GABRR1: variants seen among roughly 807,000 people sequenced by gnomAD.
GABRR1 encodes gamma-aminobutyric acid receptor subunit rho-1.
In GABRR1, 59 loss-of-function variants were observed where a neutral mutation model predicts 55.5. The ratio of observed to expected loss-of-function variants is 1.06; its 90% CI spans 0.86 to 1.32. The LOEUF is 1.32. Among genes scored for constraint, GABRR1 ranks in the 40% most tolerant of loss-of-function variants. The pLI is 0.00. For missense variants in GABRR1, 602 were observed against 619.1 expected (o/e 0.97, Z 0.29); for synonymous variants, 213 against 226.0 (o/e 0.94, Z 0.51).
chr6:89,195,961 T>C (rs1339734367), intron 5 of GABRR1, among the ~76,000 whole-genome samples: 2 of 152,216 alleles, frequency 1.3e-5, no homozygotes, highest in African/African-American at 4.8e-5. Context: ...AGATTAAGCC[T>C]AAAAGGGTGT....
At chr6:89,195,911 G>T (rs1466297814) in intron 5 of GABRR1, among the ~76,000 whole-genome samples, 8 of 152,066 alleles carry the variant, frequency 5.3e-5, no homozygotes, top group Non-Finnish European at 8.8e-5. Context: ...TACAAATCAG[G>T]GCTTGATTTA....
chr6:89,218,645 G>T (rs1205847831), upstream of GABRR1, among the ~76,000 whole-genome samples: 1 of 152,216 alleles, frequency 6.6e-6, no homozygotes, highest in African/African-American at 2.4e-5. Context: ...ACAACTGGAA[G>T]CATCAATTAT....
At chr6:89,202,283 TTTTGTTTG>T (rs370710274) in intron 2 of GABRR1, among the ~76,000 whole-genome samples, 5 of 135,208 alleles carry the variant, frequency 3.7e-5, no homozygotes, top group Admixed American at 7.5e-5. Flanking sequence ...TGTTTCGTTT[TTTTGTTTG>T]TTTGTTTGTT....
chr6:89,223,382 T>C (rs946815596), intron 1 of GABRR1, among the ~76,000 whole-genome samples: 1 of 152,242 alleles, frequency 6.6e-6, no homozygotes, highest in Non-Finnish European at 1.5e-5. Context: ...CATTAATTCA[T>C]TCCTTTTTAT....
intron 5 of GABRR1, among the ~76,000 whole-genome samples, chr6:89,196,886 G>A (rs1346691419): frequency 1.8e-5 from 2 of 108,686 alleles, no homozygotes; most frequent in Non-Finnish European, 4.2e-5. Context: ...AAAGAGAAGA[G>A]AAGAAAAAAG....
At position 89,188,911 on chromosome 6, in the gene GABRR1, C is replaced by T. The variant is rs142319462; in HGVS notation, c.655+1254G>A. 2.3e-3 allele frequency among the ~76,000 whole-genome samples: 347 copies of T among 152,244 alleles called. 1 individual carries two copies. Among genetic ancestry groups the T allele is most frequent in the African/African-American group, 8.0e-3 (331 of 41,528 alleles). On this transcript the variant is annotated intron_variant, in intron 6 of 9. Transcript: ENST00000454853. ...CTGAGCATCTCAACCACCACACGAA[C>T]TCACAGTGGCAGTTCCCTAGGGCAA...
At chr6:89,197,112 T>C (rs989140347) in intron 5 of GABRR1, among the ~76,000 whole-genome samples, 1 of 152,204 alleles carries the variant, frequency 6.6e-6, no homozygotes, top group Non-Finnish European at 1.5e-5. Context: ...GGGATCATCA[T>C]AAATATTCCT....
intron 5 of GABRR1, among the ~76,000 whole-genome samples, chr6:89,196,843 G>GAAAT (rs1554190847): frequency 9.7e-6 from 1 of 102,866 alleles, no homozygotes; most frequent in African/African-American, 3.6e-5. Flanking sequence ...AAGAAAGAAA[G>GAAAT]AAAGAAAGAA....
chr6:89,216,498 G>A (rs1772985283), intron 1 of GABRR1, among the ~76,000 whole-genome samples: 1 of 152,210 alleles, frequency 6.6e-6, no homozygotes, highest in South Asian at 2.1e-4. Context: ...AAGCAGGTGT[G>A]CATCCCAGAT....
At chr6:89,179,168 C>T in intron 9 of GABRR1, 105 bp from the exon 10 acceptor site, 1 of 1,192,056 alleles carries the variant, frequency 8.4e-7, no homozygotes, top group Non-Finnish European at 1.2e-6. Context: ...TCTGGTATTC[C>T]CAGTTTGGGA....
chr6:89,179,635 A>C lies in GABRR1; in HGVS notation c.1147-572T>G, dbSNP rs372025554. ...TTCATAGATCACCCTGTTCTCCATGAGATCATAAGCTGTTATGAGCCCTTG... is the reference window on the plus strand; with the variant it reads ...TTCATAGATCACCCTGTTCTCCATGCGATCATAAGCTGTTATGAGCCCTTG... On this transcript the variant is annotated intron_variant, in intron 9 of 9. Transcript: ENST00000454853. Among the ~76,000 whole-genome samples the C allele has an allele frequency of 1.8e-3, 281 of 152,372 alleles. 1 individual carries two copies. Among genetic ancestry groups the C allele is most frequent in the African/African-American group, 5.8e-3 (243 of 41,596 alleles).
At chr6:89,216,429 A>G (rs1772983203) in intron 1 of GABRR1, among the ~76,000 whole-genome samples, 1 of 152,242 alleles carries the variant, frequency 6.6e-6, no homozygotes, top group South Asian at 2.1e-4. Context: ...CCTCATCAGT[A>G]CAGAGAGCAC....
At chr6:89,212,055 A>C in intron 1 of GABRR1, 2 of 422,832 alleles carry the variant, frequency 4.7e-6, no homozygotes, top group Non-Finnish European at 6.0e-6. Context: ...GTCTCTGGGT[A>C]TCTTGCAAGC....
At position 89,198,228 on chromosome 6, in the gene GABRR1, G is replaced by A. The variant is rs1471897310; in HGVS notation, c.364C>T (p.Leu122Phe). The change falls in exon 5 of 10, where the codon CTC becomes TTC. Residue 122 changes from leucine to phenylalanine, a missense_variant. Physicochemically the swap from Leu to Phe is conservative, Grantham distance 22. This residue lies in a region of GABRR1 where 435 missense variants were observed against 424.2 expected (regional missense o/e 1.03). Transcript: ENST00000454853. ...TCCTTCCAGTAGTGCCTCAGGTAGA[G>A]GGTCATCGTAAAGTCCTGGGAGCAG... The part of the protein sequence containing the change: ...SEVDMDFTMT[L>F]YLRHYWKDER... The A allele has an allele frequency of 1.9e-6, 3 of 1,613,792 alleles. No individual in the cohort carries two copies. Among genetic ancestry groups the A allele is most frequent in the Non-Finnish European group, 2.5e-6 (3 of 1,179,892 alleles).
At chr6:89,226,243 T>C (rs1436381616) in intron 1 of GABRR1, among the ~76,000 whole-genome samples, 11 of 143,582 alleles carry the variant, frequency 7.7e-5, no homozygotes, top group Admixed American at 7.4e-4. Flanking sequence ...GTAGTTTCTT[T>C]TGCTGTGCAG....
rs200161103 is a variant in GABRR1 at position 89,186,338 on chromosome 6, A to AT, written c.656-889dup. 5.7e-3 allele frequency among the ~76,000 whole-genome samples: 872 copies of AT among 152,258 alleles called. 8 individuals carry two copies. Among genetic ancestry groups the AT allele is most frequent in the African/African-American group, 0.02 (825 of 41,548 alleles). On this transcript the variant is annotated intron_variant, in intron 6 of 9. Transcript: ENST00000454853. ...CTACAACCACTGGACTTTAAAGGGG[A>AT]TTTTCCTGGATAATCTGGGTGGGCC...
Position 89,187,990 on chromosome 6 carries a change from A to G in GABRR1, c.655+2175T>C, listed in dbSNP as rs60961554. ...AATTCTTTTGGTTATTTACCCAGAA[A>G]TGGATTTGCTGGATCATATGTTCTT... On this transcript the variant is annotated intron_variant, in intron 6 of 9. Coordinates refer to ENST00000454853, the MANE Select transcript of GABRR1 (RefSeq NM_002042.5). 6.7e-3 allele frequency among the ~76,000 whole-genome samples: 1,012 copies of G among 152,172 alleles called. 14 individuals are homozygous for G. The highest frequency in any genetic ancestry group is 0.024 in the African/African-American group (979 of 41,510).
intron 1 of GABRR1, among the ~76,000 whole-genome samples, chr6:89,209,440 G>C (rs1164759523): frequency 4.6e-5 from 7 of 152,014 alleles, no homozygotes; most frequent in African/African-American, 1.4e-4. Flanking sequence ...AATCCCCATA[G>C]CCAATTAAAT....
intron 3 of GABRR1, among the ~76,000 whole-genome samples, chr6:89,200,754 A>G (rs6928457): frequency 0.95 from 144,425 of 152,198 alleles, 68,627 homozygotes; most frequent in Middle Eastern, 0.98. Context: ...ACCACATTCC[A>G]CCGTAAGATA....
Sources: allele counts gnomAD v4.1 joint callset (sites outside exome capture counted in the v4.1 genomes callset), GRCh38; gene constraint gnomAD v4.1.1; regional missense constraint gnomAD v4.1.1; transcripts MANE v1.5; gene names NCBI Gene and HGNC (gene_info 2026-07-23, HGNC 2026-07-21).